The following ZNF536 variants were observed in gnomAD, a reference collection of about 807,000 sequenced individuals.
ZNF536 encodes the protein zinc finger protein 536.
ZNF536 carries 13 observed loss-of-function variants against 84.5 expected under a neutral mutation model. That is an observed-to-expected ratio of 0.15 (90% CI 0.10 to 0.24). The LOEUF (loss-of-function observed/expected upper bound fraction) is 0.24, where lower values mean the gene tolerates loss of function less well. ZNF536 is among the 10% of genes least tolerant of loss of function. The pLI, the probability that ZNF536 is intolerant of heterozygous loss-of-function variation, is 1.00. For synonymous variants in ZNF536, 811 were observed against 742.5 expected (o/e 1.09, Z -1.50); for missense variants, 1,536 against 1,747.5 (o/e 0.88, Z 2.16).
chr19:30,413,943 A>G (rs1380357701), intron 1 of ZNF536, among the ~76,000 whole-genome samples: 1 of 151,984 alleles, frequency 6.6e-6, no homozygotes, highest in Non-Finnish European at 1.5e-5. Flanking sequence ...AATACAAAAA[A>G]TTAGCTAGGC....
intron 1 of ZNF536, among the ~76,000 whole-genome samples, chr19:30,245,507 G>A (rs897061307): frequency 3.3e-5 from 5 of 152,200 alleles, no homozygotes; most frequent in African/African-American, 1.2e-4. Flanking sequence ...AAATTTAGGA[G>A]TGTGTCCTTG....
downstream of ZNF536, among the ~76,000 whole-genome samples, chr19:30,558,424 A>T (rs113693667): frequency 0.016 from 2,418 of 152,226 alleles, 61 homozygotes; most frequent in African/African-American, 0.055. Context: ...TTGGGCACGG[A>T]GTATGCCGGC....
chr19:30,459,415 G>A (rs10411634), intron 2 of ZNF536, among the ~76,000 whole-genome samples: 38,280 of 144,056 alleles, frequency 0.27, 6,229 homozygotes, highest in African/African-American at 0.47. Context: ...CCATGGCTCC[G>A]TCTTGGCTCA....
chr19:30,227,867 C>G (rs61115258), upstream of ZNF536, among the ~76,000 whole-genome samples: 57,972 of 150,342 alleles, frequency 0.39, 12,963 homozygotes, highest in African/African-American at 0.63. Flanking sequence ...TGTAGAGGCG[C>G]GGAGGGGGCC....
At position 30,548,331 on chromosome 19, in the gene ZNF536, T is replaced by C. The variant is rs752754080; in HGVS notation, c.2712T>C (p.Tyr904=). 6.2e-7 allele frequency: 1 copy of C among 1,613,926 alleles called. No homozygotes were observed. Among genetic ancestry groups the C allele is most frequent in the Non-Finnish European group, 8.5e-7 (1 of 1,180,006 alleles). ...STHFSEIGRA[Y]QSIVSNGVNF... ...ACTTCTCTGAGATCGGAAGAGCTTA[T>C]CAAAGCATTGTGAGCAACGGTGTGA... Residue 904 remains tyrosine, a synonymous_variant, in exon 4 of 5, where the codon TAT becomes TAC. Coordinates refer to ENST00000355537, the MANE Select transcript of ZNF536 (RefSeq NM_014717.3).
chr19:30,528,682 G>A (rs1363079151), intron 2 of ZNF536, among the ~76,000 whole-genome samples: 1 of 152,082 alleles, frequency 6.6e-6, no homozygotes, highest in African/African-American at 2.4e-5. Flanking sequence ...AGGTCACTGT[G>A]GCCCAGGAGG....
At position 30,540,457 on chromosome 19, in the gene ZNF536, G is replaced by A. The variant is rs151095545; in HGVS notation, c.2323+5458G>A. On this transcript the variant is annotated intron_variant, in intron 3 of 4. Coordinates refer to ENST00000355537, the MANE Select transcript of ZNF536 (RefSeq NM_014717.3). The stretch of plus-strand genomic sequence containing the variant: ...GAGTAACGGCACAATAACAGTGATG[G>A]TAGTTCCCACGTTCTATCCACGCCC... Among the ~76,000 whole-genome samples, 1,264 of 152,298 alleles carry A rather than the reference G, an allele frequency of 8.3e-3. 18 individuals are homozygous for A. Among genetic ancestry groups the A allele is most frequent in the Non-Finnish European group, 8.8e-3 (600 of 68,022 alleles).
intron 2 of ZNF536, among the ~76,000 whole-genome samples, chr19:30,494,366 C>T (rs763449635): frequency 1.6e-4 from 24 of 152,196 alleles, no homozygotes; most frequent in African/African-American, 3.4e-4. Context: ...AAGTTGCAGG[C>T]GTCTTGCTTC....
At chr19:30,588,248 C>T (rs1225506035) in intron 1 of ZNF536, among the ~76,000 whole-genome samples, 2 of 152,224 alleles carry the variant, frequency 1.3e-5, no homozygotes, top group Non-Finnish European at 2.9e-5. Flanking sequence ...TGTCACCTAA[C>T]TGTTGAGCAT....
intron 1 of ZNF536, among the ~76,000 whole-genome samples, chr19:30,258,072 A>G (rs1387077538): frequency 6.6e-6 from 1 of 152,150 alleles, no homozygotes; most frequent in African/African-American, 2.4e-5. Flanking sequence ...ATGTGGAGCT[A>G]CAGTTTGTTC....
At chr19:30,427,502 T>C (rs1424895042) in intron 1 of ZNF536, among the ~76,000 whole-genome samples, 1 of 152,108 alleles carries the variant, frequency 6.6e-6, no homozygotes, top group Non-Finnish European at 1.5e-5. Context: ...AAGCCTGGCA[T>C]TGGGCATGGA....
At chr19:30,558,841 G>A (rs572102044), downstream of ZNF536, among the ~76,000 whole-genome samples, 195 of 152,180 alleles carry the variant, frequency 1.3e-3, no homozygotes, top group Middle Eastern at 3.4e-3. Context: ...GGGGGACTGG[G>A]GGTAGGACAC....
intron 1 of ZNF536, among the ~76,000 whole-genome samples, chr19:30,597,780 A>ATTGTATGCATATTTTTGTTG (rs1221511159): frequency 6.6e-6 from 1 of 152,082 alleles, no homozygotes; most frequent in Non-Finnish European, 1.5e-5. Context: ...TTTTATGCAT[A>ATTGTATGCATATTTTTGTTG]TTGTATGCAT....
intron 3 of ZNF536, among the ~76,000 whole-genome samples, chr19:30,361,060 G>A (rs985513727): frequency 5.3e-5 from 8 of 152,124 alleles, no homozygotes; most frequent in South Asian, 2.1e-4. Context: ...ACAACTTGCC[G>A]GCTTTTCCCT....
intron 1 of ZNF536, among the ~76,000 whole-genome samples, chr19:30,627,462 C>T (rs1030085908): frequency 1.0e-5 from 1 of 96,370 alleles, no homozygotes; most frequent in Non-Finnish European, 1.8e-5. Context: ...CAGACCAAGG[C>T]CCTGTCAAAA....
At chr19:30,270,243 G>A (rs536832744) in intron 1 of ZNF536, among the ~76,000 whole-genome samples, 1 of 152,114 alleles carries the variant, frequency 6.6e-6, no homozygotes, top group Non-Finnish European at 1.5e-5. Flanking sequence ...TTTTTAGCCT[G>A]CCAACCCCTG....
At position 30,537,956 on chromosome 19, in the gene ZNF536, G is replaced by A. The variant is rs540932983; in HGVS notation, c.2323+2957G>A. Reference sequence around the variant, plus strand: ...TACCTTTTTATCTAAGAACAAAGAAGCTGGAAAATGCTTACACTTGTGCAT... The same window carrying A: ...TACCTTTTTATCTAAGAACAAAGAAACTGGAAAATGCTTACACTTGTGCAT... On this transcript the variant is annotated intron_variant, in intron 3 of 4. Transcript: ENST00000355537. Among the ~76,000 whole-genome samples, 19 of 152,304 alleles carry A rather than the reference G, an allele frequency of 1.2e-4. 1 individual carries two copies. The South Asian group carries it at 3.5e-3, about 28-fold the overall frequency.
intron 1 of ZNF536, among the ~76,000 whole-genome samples, chr19:30,708,121 C>T (rs1382605818): frequency 6.6e-6 from 1 of 152,076 alleles, no homozygotes; most frequent in Non-Finnish European, 1.5e-5. Flanking sequence ...AGGCACTGGG[C>T]TTGGCATTCA....
chr19:30,411,416 C>T (rs919592488), intron 1 of ZNF536, among the ~76,000 whole-genome samples: 2 of 151,940 alleles, frequency 1.3e-5, no homozygotes, highest in Admixed American at 6.5e-5. Flanking sequence ...ATTTATACAA[C>T]TTTATATGGC....
Sources: gnomAD v4.1 joint callset for allele counts (sites outside exome capture counted in the v4.1 genomes callset) on GRCh38, gnomAD v4.1.1 for gene constraint, MANE v1.5 for transcripts, NCBI Gene and HGNC (gene_info 2026-07-23, HGNC 2026-07-21) for gene names.